THNSL2: variants seen among roughly 807,000 people sequenced by gnomAD.
THNSL2 encodes the protein threonine synthase-like 2.
In THNSL2, 34 loss-of-function variants were observed where a neutral mutation model predicts 40.0. The observed-to-expected ratio is 0.85, with a 90% CI of 0.65 to 1.13. The LOEUF (loss-of-function observed/expected upper bound fraction) is 1.13. Ranked by LOEUF, THNSL2 falls within the 50% of genes most tolerant of loss-of-function variation. The pLI is 0.00. For missense variants in THNSL2, 537 were observed against 608.8 expected (o/e 0.88, Z 1.24); for synonymous variants, 241 against 247.5 (o/e 0.97, Z 0.25).
In THNSL2 at chr2:88,182,735, G is replaced by A. The variant is rs375483620; in HGVS notation, c.839G>A (p.Arg280His). Residue 280 changes from arginine (R) to histidine (H), a missense_variant, in exon 6 of 9, where the codon CGT (arginine) becomes CAT (histidine). By Grantham distance (29) the Arg-to-His change is conservative (BLOSUM62 0). Coordinates refer to ENST00000674334, the MANE Select transcript of THNSL2 (RefSeq NM_018271.5). ...GCTCAAAAGATAGGCCTGCCCATCC[G>A]TCTGGTCGTGGCAGTGAACCGCAAT... ...YIAQKIGLPI[R>H]LVVAVNRNDI... 9 of 1,613,672 alleles carry A rather than the reference G, an allele frequency of 5.6e-6. No individual in the cohort carries two copies. Among genetic ancestry groups the A allele is most frequent in the African/African-American group, 2.7e-5 (2 of 74,878 alleles).
At chr2:88,171,581 G>C (rs1056148397) in intron 1 of THNSL2, 4 of 240,568 alleles carry the variant, frequency 1.7e-5, no homozygotes, top group African/African-American at 9.2e-5. Flanking sequence ...GTTACTCCAC[G>C]GTCTTGGGCA....
rs929896621 is a variant in THNSL2, at chr2:88,175,091, C to T, written c.419-158C>T. Among the ~76,000 whole-genome samples, 5 of 152,262 alleles carry T rather than the reference C, an allele frequency of 3.3e-5. No individual in the cohort carries two copies. The South Asian group carries it at 1.0e-3, about 32-fold the overall frequency. ...GTTCACTTATGTCCTGAATTTTATC[C>T]GTGGATCCATGGACCCTAGGTGGAG... On this transcript the variant is annotated intron_variant, in intron 3 of 8. Coordinates refer to ENST00000674334, the MANE Select transcript of THNSL2 (RefSeq NM_018271.5).
intron 7 of THNSL2, 185 bp downstream of exon 7, chr2:88,183,258 GT>G: frequency 1.3e-6 from 1 of 779,466 alleles, no homozygotes; most frequent in Non-Finnish European, 1.9e-6. Flanking sequence ...AGAGAACATG[GT>G]TTAGAGTCAA....
At chr2:88,171,380 C>T (rs926711162) in intron 1 of THNSL2, 23 of 453,680 alleles carry the variant, frequency 5.1e-5, no homozygotes, top group Non-Finnish European at 9.3e-5. Context: ...TCCTCTGTTC[C>T]TGGACAGTTG....
chr2:88,172,107 T>A (rs1246395650), intron 1 of THNSL2: 1 of 152,312 alleles, frequency 6.6e-6, no homozygotes, highest in Non-Finnish European at 1.5e-5. Context: ...TCCAAGCTAA[T>A]ACTGAGAGCT....
intron 1 of THNSL2, among the ~76,000 whole-genome samples, chr2:88,170,980 T>G (rs1398312618): frequency 6.6e-6 from 1 of 152,170 alleles, no homozygotes; most frequent in Non-Finnish European, 1.5e-5. Flanking sequence ...TTATTTATCC[T>G]GGTTATTGGT....
At chr2:88,184,803 A>G (rs1050663070) in intron 7 of THNSL2, among the ~76,000 whole-genome samples, 2 of 152,036 alleles carry the variant, frequency 1.3e-5, no homozygotes, top group Admixed American at 6.6e-5. Context: ...GTGATACTCT[A>G]TGATCCCTAC....
chr2:88,178,590 ATT>A (rs1478888834), intron 4 of THNSL2, among the ~76,000 whole-genome samples, 191 bp from the exon 5 acceptor site: 1 of 152,178 alleles, frequency 6.6e-6, no homozygotes, highest in African/African-American at 2.4e-5. Context: ...CTGAGGCATG[ATT>A]TCTGTCCTTG....
intron 4 of THNSL2, 99 bp downstream of exon 4, chr2:88,175,500 T>C (rs1676831534): frequency 1.4e-6 from 2 of 1,445,520 alleles, no homozygotes; most frequent in Non-Finnish European, 1.9e-6. Flanking sequence ...GTTGGGTAGC[T>C]GACTGTCCTC....
intron 8 of THNSL2, 22 bp downstream of exon 8, chr2:88,185,501 G>A (rs779676932): frequency 1.9e-6 from 3 of 1,588,560 alleles, no homozygotes; most frequent in Middle Eastern, 1.7e-4. Flanking sequence ...GGGGGCCTGG[G>A]CCACTGAGGG....
At chr2:88,178,661 A>AG (rs1332311753) in intron 4 of THNSL2, 122 bp from the exon 5 acceptor site, 1 of 919,602 alleles carries the variant, frequency 1.1e-6, no homozygotes, top group African/African-American at 1.6e-5. Context: ...AAAGAAACCT[A>AG]GGCTGCGCGA....
At chr2:88,180,607 T>C (rs1008511996) in intron 5 of THNSL2, among the ~76,000 whole-genome samples, 9 of 150,790 alleles carry the variant, frequency 6.0e-5, no homozygotes, top group Admixed American at 1.3e-4. Context: ...AGGTTAACAG[T>C]GATGTTGGGT....
chr2:88,185,007 A>G (rs1477049338), intron 7 of THNSL2, among the ~76,000 whole-genome samples: 2 of 152,198 alleles, frequency 1.3e-5, no homozygotes, highest in Non-Finnish European at 1.5e-5. Context: ...AGGTGTGCCA[A>G]CAACCAAGCA....
intron 5 of THNSL2, among the ~76,000 whole-genome samples, chr2:88,180,351 A>G (rs1052970585): frequency 6.6e-6 from 1 of 152,330 alleles, no homozygotes; most frequent in Admixed American, 6.5e-5. Context: ...AAGAAAGAGA[A>G]AGTTGAGATT....
At chr2:88,170,526 C>T (rs1440116463) in intron 1 of THNSL2, 70 bp downstream of exon 1, 2 of 152,478 alleles carry the variant, frequency 1.3e-5, no homozygotes, top group African/African-American at 4.8e-5. Context: ...CGGACGCTCT[C>T]GCGGCTCCGT....
chr2:88,176,094 C>CA lies in THNSL2; in HGVS notation c.571+702dup, dbSNP rs60006948. On this transcript the variant is annotated intron_variant, in intron 4 of 8. Transcript: ENST00000674334. ...TGGGCAGCAGAGTGAGACCCTGTCT[C>CA]AAAAAAAAAGGAATGTGTCATTATA... is the stretch of plus-strand genomic sequence containing the variant. The CA allele has an allele frequency of 1.5e-4, 23 of 149,716 alleles. 1 individual carries two copies. The highest frequency in any genetic ancestry group is 1.5e-3 in the South Asian group (7 of 4,734). The allele number at this position is 149,716 out of a possible 1,614,324, so 9.3% of individuals were successfully genotyped here. A position where few individuals can be genotyped will look rare whatever the true frequency, so the allele number is the denominator to read the frequency against.
Position 88,174,846 on chromosome 2 carries a change from G to A in THNSL2, c.418+13G>A, listed in dbSNP as rs761691932. ...ACTGTGGTTGTAGGTGTGTTTTTGGGGCACAAACGCAGAATACCTGAGTGC... is the reference window on the plus strand; with the variant it reads ...ACTGTGGTTGTAGGTGTGTTTTTGGAGCACAAACGCAGAATACCTGAGTGC... On this transcript the variant is annotated intron_variant, in intron 3 of 8. Transcript: ENST00000674334. 2 of 1,612,994 alleles carry A rather than the reference G, an allele frequency of 1.2e-6. No individual in the cohort carries two copies. The highest frequency in any genetic ancestry group is 2.2e-5 in the South Asian group (2 of 90,998).
intron 5 of THNSL2, 63 bp downstream of exon 5, chr2:88,179,076 AGCTGCCCTTTG>A: frequency 1.3e-6 from 2 of 1,535,396 alleles, no homozygotes; most frequent in Non-Finnish European, 1.8e-6. Context: ...CAGTCCTTCT[AGCTGCCCTTTG>A]GCTGCAACTG....
chr2:88,173,767 GA>G (rs1676617996), intron 2 of THNSL2, among the ~76,000 whole-genome samples: 2 of 151,876 alleles, frequency 1.3e-5, no homozygotes. Flanking sequence ...GTTAATTCCA[GA>G]AAGGACTTCA....
Sources: gnomAD v4.1 joint callset for allele counts (sites outside exome capture counted in the v4.1 genomes callset) on GRCh38, gnomAD v4.1.1 for gene constraint, MANE v1.5 for transcripts, NCBI Gene and HGNC (gene_info 2026-07-23, HGNC 2026-07-21) for gene names.